Variants in TSEN54 observed in about 807,000 individuals in gnomAD.
TSEN54 encodes tRNA-splicing endonuclease subunit Sen54.
Under a neutral mutation model 61.9 loss-of-function variants are expected in TSEN54, and 55 were observed. That is an observed-to-expected ratio of 0.89 (90% CI 0.72 to 1.11). The LOEUF is 1.11. Among genes scored for constraint, TSEN54 ranks in the 50% most tolerant of loss-of-function variants. The probability of loss-of-function intolerance (pLI) is 0.00; values close to 1 mark genes in which losing one functional copy is unlikely to be tolerated. For synonymous variants in TSEN54, 304 were observed against 288.7 expected (o/e 1.05, Z -0.54); for missense variants, 760 against 687.7 (o/e 1.11, Z -1.18).
At chr17:75,523,599 T>A in intron 9 of TSEN54, 64 bp from the exon 10 acceptor site, 1 of 1,613,414 alleles carries the variant, frequency 6.2e-7, no homozygotes, top group South Asian at 1.1e-5. Flanking sequence ...AGGGAAAGGG[T>A]GGGATGGAAA....
In TSEN54 at chr17:75,517,644, C is replaced by T. The variant is rs1017310967; in HGVS notation, c.457C>T (p.Leu153=). The change falls in exon 5 of 11, where the codon CTG becomes TTG. Residue 153 remains leucine (L), a synonymous_variant. Transcript: ENST00000333213. ...GCTGACCGACCACACTGTGACCTTC[C>T]TGCAGTACCAGGTATCTGCCACCAC... is the stretch of plus-strand genomic sequence containing the variant. The part of the protein sequence containing the change: ...LLLTDHTVTF[L]QYQVFSHLKR... 11 of 1,613,674 alleles carry T rather than the reference C, an allele frequency of 6.8e-6. No homozygotes were observed. Among genetic ancestry groups the T allele is most frequent in the Non-Finnish European group, 9.3e-6 (11 of 1,179,984 alleles).
chr17:75,517,117 C>A (rs760248157), intron 3 of TSEN54, 44 bp from the exon 4 acceptor site: 3 of 1,574,664 alleles, frequency 1.9e-6, no homozygotes, highest in Non-Finnish European at 2.6e-6. Context: ...CCCTGCCCTC[C>A]CTGCCCTCCC....
At chr17:75,519,640 G>A (rs1418787905) in intron 6 of TSEN54, among the ~76,000 whole-genome samples, 1 of 152,210 alleles carries the variant, frequency 6.6e-6, no homozygotes, top group Non-Finnish European at 1.5e-5. Flanking sequence ...TCAGCTTACT[G>A]TAGCCTCTGC....
Position 75,521,236 on chromosome 17 carries a change from C to A in TSEN54, c.522-173C>A, listed in dbSNP as rs2053423994. 10 of 645,344 alleles carry A rather than the reference C, an allele frequency of 1.5e-5. No individual in the cohort carries two copies. In the Admixed American group the frequency reaches 2.0e-4, roughly 13 times the overall value. The allele number at this position is 645,344 out of a possible 1,614,324, so 40.0% of individuals were successfully genotyped here. On this transcript the variant is annotated intron_variant, in intron 6 of 10. Coordinates refer to ENST00000333213, the MANE Select transcript of TSEN54 (RefSeq NM_207346.3). Reference sequence around the variant, plus strand: ...GCCTAGGCAGAGGCACATGGCTGGGCCCCCTGGCTGGGCCTGTACCCCTCA... The same window carrying A: ...GCCTAGGCAGAGGCACATGGCTGGGACCCCTGGCTGGGCCTGTACCCCTCA...
chr17:75,524,685 G>C lies in TSEN54; in HGVS notation c.*273G>C, dbSNP rs1598480911. 1.8e-6 allele frequency: 1 copy of C among 554,200 alleles called. No homozygotes were observed. Among genetic ancestry groups the C allele is most frequent in the African/African-American group, 1.9e-5 (1 of 52,906 alleles). 34.3% of individuals were successfully genotyped at this position (554,200 alleles called of 1,614,324 possible). A position where few individuals can be genotyped will look rare whatever the true frequency, so the allele number is the denominator to read the frequency against. ...AGGACTGTGTGCCTTTAACGAGAGG[G>C]TGCCTGCTTCGTGCTATAAAGCCAA... is the stretch of plus-strand genomic sequence containing the variant. On this transcript the variant is annotated 3_prime_UTR_variant, in exon 11 of 11. Coordinates refer to ENST00000333213, the MANE Select transcript of TSEN54 (RefSeq NM_207346.3).
At chr17:75,520,954 C>CAAAAAA (rs74269590) in intron 6 of TSEN54, among the ~76,000 whole-genome samples, 2 of 95,026 alleles carry the variant, frequency 2.1e-5, no homozygotes. Flanking sequence ...GACTGTGTCT[C>CAAAAAA]AAAAAAAAAA....
In TSEN54 at chr17:75,521,962, G is replaced by C; in HGVS notation, c.881G>C (p.Arg294Pro). The C allele has an allele frequency of 5.6e-6, 9 of 1,609,756 alleles. No homozygotes were observed. The highest frequency in any genetic ancestry group is 7.6e-6 in the Non-Finnish European group (9 of 1,178,822). The change falls in exon 8 of 11, where the codon CGG becomes CCG. Residue 294 changes from arginine (R) to proline (P), a missense_variant. Arg to Pro is a moderately radical substitution (Grantham distance 103). Coordinates refer to ENST00000333213, the MANE Select transcript of TSEN54 (RefSeq NM_207346.3). ...AACGGAGTCACGGGAGCCGGTAAGC[G>C]GCGCTGGAACTTCGAGCAGATCTCC... is the stretch of plus-strand genomic sequence containing the variant. ...AENGVTGAGK[R>P]RWNFEQISFP...
chr17:75,523,301 C>G lies in TSEN54; in HGVS notation c.1279C>G (p.Leu427Val). 6.2e-7 allele frequency: 1 copy of G among 1,614,134 alleles called. No individual in the cohort carries two copies. Among genetic ancestry groups the G allele is most frequent in the Non-Finnish European group, 8.5e-7 (1 of 1,180,026 alleles). The change falls in exon 9 of 11, where the codon CTG becomes GTG. Residue 427 changes from leucine to valine, a missense_variant. Coordinates refer to ENST00000333213, the MANE Select transcript of TSEN54 (RefSeq NM_207346.3). The stretch of plus-strand genomic sequence containing the variant: ...CGTGGTCCTTCAGCATATCTCTGTG[C>G]TGCAGACAACACACCTTCCTGATGG... ...PAVVLQHISV[L>V]QTTHLPDGGA...
intron 5 of TSEN54, 148 bp from the exon 6 acceptor site, chr17:75,518,847 G>C (rs1374522992): frequency 2.6e-6 from 4 of 1,540,556 alleles, no homozygotes; most frequent in Non-Finnish European, 3.5e-6. Flanking sequence ...TCGTAATGAA[G>C]CATGGTCCAA....
intron 5 of TSEN54, chr17:75,518,726 T>G (rs1452873699): frequency 1.0e-6 from 1 of 985,366 alleles, no homozygotes; most frequent in African/African-American, 1.7e-5. Flanking sequence ...GCGTGGTGGT[T>G]TTCTGGTTTC....
chr17:75,517,380 T>G (rs1224619279), intron 4 of TSEN54, 136 bp downstream of exon 4: 12 of 1,229,760 alleles, frequency 9.8e-6, no homozygotes, highest in Non-Finnish European at 1.4e-5. Flanking sequence ...GGTGGTACGT[T>G]GCAGGGAGCA....
chr17:75,523,938 T>C (rs1483285041), intron 10 of TSEN54, among the ~76,000 whole-genome samples, 159 bp downstream of exon 10: 1 of 152,152 alleles, frequency 6.6e-6, no homozygotes, highest in Admixed American at 6.5e-5. Context: ...CACAGCCAGT[T>C]TGTGCTGCCC....
intron 10 of TSEN54, 71 bp downstream of exon 10, chr17:75,523,850 C>G (rs760411684): frequency 7.3e-6 from 11 of 1,509,040 alleles, no homozygotes; most frequent in Admixed American, 1.9e-5. Context: ...TGGGACTCCT[C>G]TGTACTCCCC....
chr17:75,518,957 T>C (rs763752272), intron 5 of TSEN54, 38 bp from the exon 6 acceptor site: 3 of 1,611,588 alleles, frequency 1.9e-6, no homozygotes, highest in Non-Finnish European at 2.5e-6. Flanking sequence ...TTTTCCAGAG[T>C]GGCCATCTGA....
intron 4 of TSEN54, 54 bp from the exon 5 acceptor site, chr17:75,517,503 C>G: frequency 4.0e-6 from 6 of 1,509,134 alleles, no homozygotes; most frequent in Middle Eastern, 1.7e-4. Flanking sequence ...TGCCCCATTC[C>G]TCTGTGGCAC....
rs764096548 is a variant in TSEN54 at position 75,517,057 on chromosome 17, G to C, written c.270G>C (p.Glu90Asp). ...AEWRPEEGFV[E>D]LKSPAGKFWQ... is the part of the protein sequence containing the mutation. ...GGAGGCCAGAAGAGGGCTTCGTGGAGTTGAAGTCTCCCGCGGTGAGCGGCG... is the reference window on the plus strand; with the variant it reads ...GGAGGCCAGAAGAGGGCTTCGTGGACTTGAAGTCTCCCGCGGTGAGCGGCG... Residue 90 changes from glutamate to aspartate, a missense_variant, in exon 3 of 11, where the codon GAG becomes GAC. Coordinates refer to ENST00000333213, the MANE Select transcript of TSEN54 (RefSeq NM_207346.3). The C allele has an allele frequency of 6.3e-7, 1 of 1,597,256 alleles. No individual in the cohort carries two copies. The highest frequency in any genetic ancestry group is 2.3e-5 in the East Asian group (1 of 44,172).
In TSEN54 at chr17:75,522,133, G is replaced by A. The variant is rs750365732; in HGVS notation, c.1052G>A (p.Arg351Gln). The A allele has an allele frequency of 2.0e-5, 32 of 1,566,244 alleles. No homozygotes were observed. The highest frequency in any genetic ancestry group is 2.7e-5 in the African/African-American group (2 of 73,664). The change falls in exon 8 of 11, where the codon CGG (arginine) becomes CAG (glutamine). Residue 351 changes from arginine to glutamine, a missense_variant. Arg to Gln is a conservative substitution (Grantham distance 43). Around this residue, in one of 3 missense-constraint regions of TSEN54, gnomAD observed 667 missense variants for 577.8 expected, o/e 1.15. Coordinates refer to ENST00000333213, the MANE Select transcript of TSEN54 (RefSeq NM_207346.3). ...CAGCGCAAGGAGAAGCTCTCCAGGCGGGAACGGGAGCACCACGCGGAGGCC... is the reference window on the plus strand; with the variant it reads ...CAGCGCAAGGAGAAGCTCTCCAGGCAGGAACGGGAGCACCACGCGGAGGCC... ...LNQRKEKLSR[R>Q]EREHHAEAAQ...
intron 6 of TSEN54, among the ~76,000 whole-genome samples, chr17:75,520,152 C>T (rs2053412430): frequency 6.6e-6 from 1 of 152,176 alleles, no homozygotes. Context: ...TCCCTTAGAG[C>T]AGCTCTGTCC....
rs2053380867 is a variant in TSEN54, at chr17:75,517,173, C to G, written c.298C>G (p.Gln100Glu). ...ELKSPAGKFWQTMGFSEQGRQ... is the reference protein window; with the variant it reads ...ELKSPAGKFWETMGFSEQGRQ... ...GGGCCCCACACAGGGCAAATTCTGG[C>G]AGACCATGGGCTTCTCAGAGCAGGG... The change falls in exon 4 of 11, where the codon CAG becomes GAG. Residue 100 changes from glutamine to glutamate, a missense_variant. By Grantham distance (29) the Gln-to-Glu change is conservative (BLOSUM62 2). Coordinates refer to ENST00000333213, the MANE Select transcript of TSEN54 (RefSeq NM_207346.3). 1.9e-6 allele frequency: 3 copies of G among 1,577,940 alleles called. No individual in the cohort carries two copies. The highest frequency in any genetic ancestry group is 2.6e-6 in the Non-Finnish European group (3 of 1,161,588).
Sources: gnomAD v4.1 joint callset for allele counts (sites outside exome capture counted in the v4.1 genomes callset) on GRCh38, gnomAD v4.1.1 for gene constraint, gnomAD v4.1.1 regional missense constraint, MANE v1.5 for transcripts, NCBI Gene and HGNC (gene_info 2026-07-23, HGNC 2026-07-21) for gene names.